MAP3K2: variants seen among roughly 807,000 people sequenced by gnomAD.
MAP3K2 encodes the protein MAP/ERK kinase kinase 2.
MAP3K2 carries 24 observed loss-of-function variants against 80.3 expected under a neutral mutation model. The observed-to-expected ratio is 0.30, with a 90% confidence interval of 0.22 to 0.42. The LOEUF (loss-of-function observed/expected upper bound fraction) is 0.42. Among genes scored for constraint, MAP3K2 ranks in the 10% least tolerant of loss-of-function variants. The probability of loss-of-function intolerance (pLI) is 1.00; values close to 1 mark genes in which losing one functional copy is unlikely to be tolerated. For missense variants in MAP3K2, 608 were observed against 750.1 expected, an observed-to-expected ratio of 0.81 and a Z score of 2.21; for synonymous variants, 244 against 253.7, an observed-to-expected ratio of 0.96 and a Z score of 0.36.
intron 1 of MAP3K2, among the ~76,000 whole-genome samples, chr2:127,377,386 T>TA: frequency 8.1e-6 from 1 of 124,048 alleles, no homozygotes; most frequent in South Asian, 2.4e-4. Context: ...TAAATTTCAG[T>TA]GGTTTTTTTT....
At position 127,331,056 on chromosome 2, in the gene MAP3K2, G is replaced by C. The variant is rs1686247080; in HGVS notation, c.265-551C>G. Among the ~76,000 whole-genome samples the C allele has an allele frequency of 2.0e-5, 3 of 152,060 alleles. No homozygotes were observed. In the South Asian group the frequency reaches 6.2e-4, roughly 32 times the overall value. On this transcript the variant is annotated intron_variant, in intron 5 of 16. Transcript: ENST00000682094. ...GCCCACCTAGAGTTCTTCTCTCTGA[G>C]CCTAGTGACCTGACCACTATACCCT...
At chr2:127,331,393 A>G (rs1234294559) in intron 5 of MAP3K2, among the ~76,000 whole-genome samples, 1 of 152,230 alleles carries the variant, frequency 6.6e-6, no homozygotes, top group Non-Finnish European at 1.5e-5. Flanking sequence ...ACAATATATG[A>G]GCCATTAAAA....
At chr2:127,345,909 T>C (rs13429050) in intron 1 of MAP3K2, among the ~76,000 whole-genome samples, 13,817 of 151,952 alleles carry the variant, frequency 0.091, 812 homozygotes, top group African/African-American at 0.17. Flanking sequence ...ACAAGAAGGA[T>C]GTCAAATCAA....
At chr2:127,331,253 A>T (rs954314294) in intron 5 of MAP3K2, among the ~76,000 whole-genome samples, 7 of 151,222 alleles carry the variant, frequency 4.6e-5, no homozygotes, top group Non-Finnish European at 1.0e-4. Flanking sequence ...CCTTTTTTTA[A>T]AAAAAAAGTC....
At chr2:127,326,171 C>G (rs1461156067) in intron 8 of MAP3K2, among the ~76,000 whole-genome samples, 1 of 151,624 alleles carries the variant, frequency 6.6e-6, no homozygotes, top group African/African-American at 2.4e-5. Flanking sequence ...ATGGCCCCAC[C>G]CAAACTGAGA....
At chr2:127,359,631 T>C (rs1686852237) in intron 1 of MAP3K2, among the ~76,000 whole-genome samples, 1 of 152,166 alleles carries the variant, frequency 6.6e-6, no homozygotes, top group South Asian at 2.1e-4. Context: ...TAAGCCCCAA[T>C]GCTGCAGCCT....
At chr2:127,313,387 G>A (rs551692066) in intron 15 of MAP3K2, among the ~76,000 whole-genome samples, 1 of 152,302 alleles carries the variant, frequency 6.6e-6, no homozygotes, top group East Asian at 1.9e-4. Flanking sequence ...CGTAGATCAT[G>A]AGCAATGTCC....
At chr2:127,357,781 C>T (rs938877568) in intron 1 of MAP3K2, among the ~76,000 whole-genome samples, 2 of 151,942 alleles carry the variant, frequency 1.3e-5, no homozygotes, top group African/African-American at 4.8e-5. Context: ...AGCTGGATAC[C>T]TCAGCTGTCA....
chr2:127,307,560 C>G lies in MAP3K2; in HGVS notation c.*19G>C, dbSNP rs2104802599. ...AATAGATGGGAGCTAGGTAGAGGCA[C>G]AGGAGAGGTTACTGGCTGCTAGTGA... On this transcript the variant is annotated 3_prime_UTR_variant, in exon 17 of 17. Transcript: ENST00000682094. This position sits in a 1 kb window ranked among gnomAD's most constrained non-coding sequence, Gnocchi z 5.4. 6.6e-7 allele frequency: 1 copy of G among 1,522,024 alleles called. No individual in the cohort carries two copies. The highest frequency in any genetic ancestry group is 2.4e-5 in the East Asian group (1 of 41,238). The allele number at this position is 1,522,024 out of a possible 1,614,324, so 94.3% of individuals were successfully genotyped here.
rs565560582 is a variant in MAP3K2 at position 127,371,272 on chromosome 2, C to G, written c.-66+16180G>C. 3.3e-5 allele frequency among the ~76,000 whole-genome samples: 5 copies of G among 152,214 alleles called. No homozygotes were observed. In the East Asian group the frequency reaches 9.6e-4, roughly 29 times the overall value. ...TGTGCGAACAACAAGCCAACCAGAA[C>G]GAGGTGGCCGTGCAAGATGTAACAG... On this transcript the variant is annotated intron_variant, in intron 1 of 16. Transcript: ENST00000682094.
chr2:127,379,088 T>C (rs922568654), intron 1 of MAP3K2, among the ~76,000 whole-genome samples: 3 of 146,722 alleles, frequency 2.0e-5, no homozygotes, highest in Non-Finnish European at 3.0e-5. Context: ...TCCCAAAGGG[T>C]TGGGATTACA....
intron 8 of MAP3K2, 127 bp downstream of exon 8, chr2:127,326,560 T>C: frequency 3.4e-6 from 2 of 584,100 alleles, no homozygotes; most frequent in Non-Finnish European, 5.2e-6. Flanking sequence ...TTTTCTATTT[T>C]GTTCAGTTAA....
chr2:127,310,981 C>A lies in MAP3K2; in HGVS notation c.1457-2219G>T, dbSNP rs150356245. On this transcript the variant is annotated intron_variant, in intron 15 of 16. Transcript: ENST00000682094. This position sits in a 1 kb window ranked among gnomAD's most constrained non-coding sequence, Gnocchi z 4.8. ...AGATTCATTTTCTTGGTTCTCTTAC[C>A]CTTTTCTTAAAAAACGGTCTCTAAG... is the stretch of plus-strand genomic sequence containing the variant. Among the ~76,000 whole-genome samples, 11 of 151,984 alleles carry A rather than the reference C, an allele frequency of 7.2e-5. No homozygotes were observed. The East Asian group carries it at 2.1e-3, about 29-fold the overall frequency.
At chr2:127,343,041 TATA>T (rs1410838257) in intron 2 of MAP3K2, 82 bp downstream of exon 2, 2 of 1,005,138 alleles carry the variant, frequency 2.0e-6, no homozygotes, top group East Asian at 2.6e-5. Flanking sequence ...TAAAAAGGTT[TATA>T]ATAACACATA....
intron 1 of MAP3K2, among the ~76,000 whole-genome samples, chr2:127,357,555 A>T (rs1446408187): frequency 2.0e-5 from 3 of 152,248 alleles, no homozygotes; most frequent in Non-Finnish European, 4.4e-5. Flanking sequence ...ACAAGTTTGA[A>T]AAAGAAGAAA....
intron 15 of MAP3K2, among the ~76,000 whole-genome samples, chr2:127,311,672 A>G (rs949700373): frequency 6.6e-6 from 1 of 152,188 alleles, no homozygotes; most frequent in Admixed American, 6.5e-5. Context: ...AGCAAATTCA[A>G]GATGTCATGA....
intron 1 of MAP3K2, among the ~76,000 whole-genome samples, chr2:127,380,659 G>A (rs1687230310): frequency 6.6e-6 from 1 of 151,270 alleles, no homozygotes; most frequent in Non-Finnish European, 1.5e-5. Flanking sequence ...TAAGAGTTAA[G>A]TAACAATAAA....
At chr2:127,346,504 G>A (rs1686598614) in intron 1 of MAP3K2, among the ~76,000 whole-genome samples, 1 of 145,248 alleles carries the variant, frequency 6.9e-6, no homozygotes, top group Non-Finnish European at 1.5e-5. Context: ...GCCATCACAA[G>A]ATGAGAAAAC....
intron 1 of MAP3K2, among the ~76,000 whole-genome samples, chr2:127,368,059 C>T (rs1036667845): frequency 1.3e-5 from 2 of 152,048 alleles, no homozygotes; most frequent in Admixed American, 6.5e-5. Flanking sequence ...TGGTGGCTCA[C>T]GCCTGTAATC....
Sources: gnomAD v4.1 joint callset for allele counts (sites outside exome capture counted in the v4.1 genomes callset) on GRCh38, gnomAD v4.1.1 for gene constraint, Gnocchi (gnomAD v3.1) non-coding constraint, MANE v1.5 for transcripts, NCBI Gene and HGNC (gene_info 2026-07-23, HGNC 2026-07-21) for gene names.